The following NEK7 variants were observed in gnomAD, a reference collection of about 807,000 sequenced individuals.
NEK7 encodes serine/threonine-protein kinase Nek7.
A neutral mutation model predicts 44.6 loss-of-function variants in NEK7; 18 were observed. That is an observed-to-expected ratio of 0.40 (90% CI 0.28 to 0.60). NEK7 has a LOEUF of 0.60. NEK7 is among the 20% of genes least tolerant of loss of function. NEK7 has a pLI of 0.38. For missense variants in NEK7, 256 were observed against 366.5 expected, an observed-to-expected ratio of 0.70 and a Z score of 2.46; for synonymous variants, 130 against 121.1, an observed-to-expected ratio of 1.07 and a Z score of -0.48.
chr1:198,253,837 T>C (rs908901370), intron 3 of NEK7, among the ~76,000 whole-genome samples: 5 of 152,142 alleles, frequency 3.3e-5, no homozygotes, highest in African/African-American at 1.2e-4. Context: ...GAATGCTCAC[T>C]TGCCAGAGCC....
chr1:198,264,372 ATAGTAGATGGTTAGTGATCATAATT>A (rs71663130), intron 5 of NEK7, 137 bp downstream of exon 5: 92,487 of 616,042 alleles, frequency 0.15, 9,551 homozygotes, highest in East Asian at 0.49. Flanking sequence ...TATGTAACAA[ATAGTAGATGGTTAGTGATCATAATT>A]CTGAAACTGG....
intron 8 of NEK7, among the ~76,000 whole-genome samples, chr1:198,295,781 G>A (rs934438010): frequency 1.3e-5 from 2 of 148,610 alleles, no homozygotes; most frequent in Non-Finnish European, 3.0e-5. Flanking sequence ...ATCTTAAAGT[G>A]TCCTTGCATT....
intron 1 of NEK7, among the ~76,000 whole-genome samples, chr1:198,213,464 C>T (rs949865418): frequency 1.3e-5 from 2 of 152,164 alleles, no homozygotes; most frequent in African/African-American, 4.8e-5. Context: ...GGGGCTTCTC[C>T]CACAGGAGCT....
At position 198,252,709 on chromosome 1, in the gene NEK7, T is replaced by C. The variant is rs189724396; in HGVS notation, c.58-331T>C. Among the ~76,000 whole-genome samples, 776 of 150,892 alleles carry C rather than the reference T, an allele frequency of 5.1e-3. 1 individual carries two copies. The highest frequency in any genetic ancestry group is 8.5e-3 in the Non-Finnish European group (576 of 67,724). On this transcript the variant is annotated intron_variant, in intron 2 of 9. Coordinates refer to ENST00000367385, the MANE Select transcript of NEK7 (RefSeq NM_133494.3). ...TTATGTATTAAAACATGTATGTATGTTTACATATTTATTAAAACATGTATG... is the reference window on the plus strand; with the variant it reads ...TTATGTATTAAAACATGTATGTATGCTTACATATTTATTAAAACATGTATG...
intron 7 of NEK7, among the ~76,000 whole-genome samples, chr1:198,284,836 A>G (rs4915275): frequency 0.14 from 21,040 of 152,130 alleles, 2,139 homozygotes; most frequent in East Asian, 0.58. Context: ...CTTATTTCCT[A>G]TAATAGTGAC....
Position 198,262,576 on chromosome 1 carries a change from T to C in NEK7, c.200T>C (p.Ile67Thr). The change falls in exon 4 of 10, where the codon ATA (isoleucine) becomes ACA (threonine). Residue 67 changes from isoleucine (I) to threonine (T), a missense_variant and splice_region_variant. Around this residue, in one of 3 missense-constraint regions of NEK7, gnomAD observed 96 missense variants for 94.9 expected, o/e 1.01. Coordinates refer to ENST00000367385, the MANE Select transcript of NEK7 (RefSeq NM_133494.3). ...GVPVALKKVQ[I>T]FDLMDAKARA... ...AGTAATTCTGGGTTCTGTTTTTAGA[T>C]ATTTGATTTAATGGATGCCAAAGCA... 6.3e-7 allele frequency: 1 copy of C among 1,580,358 alleles called. No individual in the cohort carries two copies. The highest frequency in any genetic ancestry group is 8.7e-7 in the Non-Finnish European group (1 of 1,155,512).
chr1:198,305,811 G>C (rs976292436), intron 9 of NEK7, among the ~76,000 whole-genome samples: 1 of 152,130 alleles, frequency 6.6e-6, no homozygotes, highest in Admixed American at 6.5e-5. Flanking sequence ...TGTGAAGGCA[G>C]ATCCATTAAT....
chr1:198,188,167 C>T (rs1664973606), intron 1 of NEK7, among the ~76,000 whole-genome samples: 1 of 152,192 alleles, frequency 6.6e-6, no homozygotes, highest in African/African-American at 2.4e-5. Context: ...CAGCACACTG[C>T]TCGCTCTACC....
At chr1:198,233,142 T>C (rs1258137258) in intron 2 of NEK7, among the ~76,000 whole-genome samples, 1 of 151,588 alleles carries the variant, frequency 6.6e-6, no homozygotes, top group African/African-American at 2.4e-5. Flanking sequence ...TGCCAGTACA[T>C]TTTGTACCTG....
intron 2 of NEK7, among the ~76,000 whole-genome samples, chr1:198,249,734 G>T (rs1652855161): frequency 6.9e-6 from 1 of 144,646 alleles, no homozygotes; most frequent in Non-Finnish European, 1.5e-5. Context: ...TGATGGGGTT[G>T]TTTGTTTTTT....
At chr1:198,263,045 A>G (rs935662047) in intron 4 of NEK7, among the ~76,000 whole-genome samples, 2 of 151,926 alleles carry the variant, frequency 1.3e-5, no homozygotes, top group Non-Finnish European at 2.9e-5. Flanking sequence ...TAATGTTTCA[A>G]TACTTTTTCC....
At position 198,256,209 on chromosome 1, in the gene NEK7, C is replaced by T. The variant is rs115377846; in HGVS notation, c.198+3029C>T. On this transcript the variant is annotated intron_variant, in intron 3 of 9. Transcript: ENST00000367385. ...CTGCTTACAAATTTTTAATGAGATA[C>T]CATCCAGAATCCTCAGCTTAGTTTT... 3.5e-3 allele frequency: 4,045 copies of T among 1,169,750 alleles called. 13 individuals are homozygous for T. Among genetic ancestry groups the T allele is most frequent in the Non-Finnish European group, 3.6e-3 (3,125 of 878,846 alleles). The allele number at this position is 1,169,750 out of a possible 1,614,324, so 72.5% of individuals were successfully genotyped here.
intron 7 of NEK7, among the ~76,000 whole-genome samples, chr1:198,280,549 C>T (rs1654162622): frequency 6.6e-6 from 1 of 151,894 alleles, no homozygotes; most frequent in African/African-American, 2.4e-5. Flanking sequence ...GATACTGCCT[C>T]TTGTAAAAGT....
At position 198,250,152 on chromosome 1, in the gene NEK7, C is replaced by T. The variant is rs1652882487; in HGVS notation, c.58-2888C>T. Among the ~76,000 whole-genome samples the T allele has an allele frequency of 2.7e-5, 4 of 150,634 alleles. No individual in the cohort carries two copies. The South Asian group carries it at 8.5e-4, about 32-fold the overall frequency. On this transcript the variant is annotated intron_variant, in intron 2 of 9. Transcript: ENST00000367385. ...TAAATAGGGAATGCTTTCCCCATTGCTTGTTTTTCTCAGGTTTGTCAAAGA... is the reference window on the plus strand; with the variant it reads ...TAAATAGGGAATGCTTTCCCCATTGTTTGTTTTTCTCAGGTTTGTCAAAGA...
At chr1:198,308,225 T>G (rs961885127) in intron 9 of NEK7, among the ~76,000 whole-genome samples, 1 of 152,178 alleles carries the variant, frequency 6.6e-6, no homozygotes, top group African/African-American at 2.4e-5. Context: ...TTAAAAATAA[T>G]TGTTTAATAT....
At chr1:198,202,945 A>G (rs540603207) in intron 1 of NEK7, among the ~76,000 whole-genome samples, 1 of 152,316 alleles carries the variant, frequency 6.6e-6, no homozygotes, top group Non-Finnish European at 1.5e-5. Flanking sequence ...AAAAATGGAA[A>G]CAATAATACA....
intron 1 of NEK7, among the ~76,000 whole-genome samples, chr1:198,162,012 C>T (rs1174641655): frequency 1.3e-5 from 2 of 151,936 alleles, no homozygotes; most frequent in Non-Finnish European, 2.9e-5. Context: ...AAAGACTCTC[C>T]CCCGCCCCAG....
At chr1:198,281,657 A>G (rs888333496) in intron 7 of NEK7, among the ~76,000 whole-genome samples, 2 of 152,102 alleles carry the variant, frequency 1.3e-5, no homozygotes, top group African/African-American at 2.4e-5. Context: ...TATATTTTCA[A>G]AATACATTTT....
chr1:198,315,813 T>A (rs1655352376), intron 9 of NEK7, among the ~76,000 whole-genome samples: 1 of 152,188 alleles, frequency 6.6e-6, no homozygotes, highest in African/African-American at 2.4e-5. Context: ...ATTTCAGTTT[T>A]AAACATGTTT....
Sources: gnomAD v4.1 joint callset for allele counts (sites outside exome capture counted in the v4.1 genomes callset) on GRCh38, gnomAD v4.1.1 for gene constraint, gnomAD v4.1.1 regional missense constraint, MANE v1.5 for transcripts, NCBI Gene and HGNC (gene_info 2026-07-23, HGNC 2026-07-21) for gene names.